SLC1A2: variants seen among roughly 807,000 people sequenced by gnomAD.
The protein encoded by SLC1A2 is excitatory amino acid transporter 2.
A neutral mutation model predicts 48.8 loss-of-function variants in SLC1A2; 15 were observed. The observed-to-expected ratio is 0.31, with a 90% CI of 0.21 to 0.47. The LOEUF (loss-of-function observed/expected upper bound fraction) is 0.47. Ranked by LOEUF, SLC1A2 falls within the 20% of genes least tolerant of loss-of-function variation. SLC1A2 has a pLI of 0.99. For synonymous variants in SLC1A2, 279 were observed against 272.6 expected (o/e 1.02, Z -0.23); for missense variants, 502 against 730.5 (o/e 0.69, Z 3.61).
chr11:35,305,615 A>T (rs1851477662), intron 5 of SLC1A2, among the ~76,000 whole-genome samples: 1 of 152,228 alleles, frequency 6.6e-6, no homozygotes, highest in South Asian at 2.1e-4. Flanking sequence ...TACCTACTCC[A>T]ACACTTTACA....
intron 1 of SLC1A2, among the ~76,000 whole-genome samples, chr11:35,403,593 T>A (rs114933289): frequency 0.016 from 2,392 of 152,266 alleles, 62 homozygotes; most frequent in African/African-American, 0.055. Context: ...TTCAAGATGA[T>A]AAGAGCAGAG....
chr11:35,293,196 G>A (rs544317126), intron 6 of SLC1A2, among the ~76,000 whole-genome samples: 3 of 152,102 alleles, frequency 2.0e-5, no homozygotes, highest in Non-Finnish European at 2.9e-5. Flanking sequence ...CGAAAATCTA[G>A]GTGTCATTAT....
chr11:35,325,793 T>C (rs544162989), intron 1 of SLC1A2, among the ~76,000 whole-genome samples: 4 of 151,606 alleles, frequency 2.6e-5, no homozygotes, highest in African/African-American at 9.7e-5. Flanking sequence ...TGAAACCCTG[T>C]CTCTACTAAA....
intron 1 of SLC1A2, among the ~76,000 whole-genome samples, chr11:35,320,940 A>G (rs958734147): frequency 6.6e-6 from 1 of 152,196 alleles, no homozygotes; most frequent in Non-Finnish European, 1.5e-5. Context: ...GTATTAGTCC[A>G]TTCTCACTCT....
chr11:35,418,589 CGCGCTCCAG>C (rs1314874574), intron 1 of SLC1A2: 1 of 219,264 alleles, frequency 4.6e-6, no homozygotes, highest in African/African-American at 2.3e-5. Flanking sequence ...CCTGGGGCGC[CGCGCTCCAG>C]GCGCTGCTAC....
intron 9 of SLC1A2, among the ~76,000 whole-genome samples, chr11:35,269,476 A>C (rs1850213799): frequency 6.6e-6 from 1 of 152,114 alleles, no homozygotes; most frequent in Admixed American, 6.5e-5. Flanking sequence ...TTTGGGGATA[A>C]CTCCACTCAC....
At chr11:35,295,328 G>T (rs1352782527) in intron 6 of SLC1A2, among the ~76,000 whole-genome samples, 2 of 152,184 alleles carry the variant, frequency 1.3e-5, no homozygotes, top group Admixed American at 1.3e-4. Flanking sequence ...AGGATTATAG[G>T]TGTGGCCGAC....
chr11:35,289,353 T>G (rs1238385194), intron 7 of SLC1A2, among the ~76,000 whole-genome samples: 1 of 152,070 alleles, frequency 6.6e-6, no homozygotes, highest in Non-Finnish European at 1.5e-5. Flanking sequence ...TTCAGTTAAT[T>G]CTCGGTACAT....
At chr11:35,363,629 T>C (rs1429645912) in intron 1 of SLC1A2, among the ~76,000 whole-genome samples, 1 of 152,170 alleles carries the variant, frequency 6.6e-6, no homozygotes. Flanking sequence ...AGTTGCTTTA[T>C]ACTGAGTTCT....
At position 35,317,468 on chromosome 11, in the gene SLC1A2, A is replaced by G. The variant is rs1397503085; in HGVS notation, c.66T>C (p.His22=). 15 of 1,614,048 alleles carry G rather than the reference A, an allele frequency of 9.3e-6. No homozygotes were observed. The highest frequency in any genetic ancestry group is 1.2e-5 in the Non-Finnish European group (14 of 1,180,024). ...KQVEVRMHDS[H]LGSEEPKHRH... is the part of the protein sequence containing the mutation. ...GGTGCTTGGGTTCCTCTGAGCCAAG[A>G]TGACTGTCGTGCATTCGCACTTCCA... is the stretch of plus-strand genomic sequence containing the variant. Residue 22 remains histidine, a synonymous_variant, in exon 2 of 11, where the codon CAT becomes CAC. Transcript: ENST00000278379.
intron 1 of SLC1A2, among the ~76,000 whole-genome samples, chr11:35,344,855 G>A (rs963202607): frequency 6.6e-6 from 1 of 152,190 alleles, no homozygotes; most frequent in Non-Finnish European, 1.5e-5. Context: ...GTAACAGGAA[G>A]GGCTTCTGGA....
At chr11:35,383,292 T>C (rs1411650733) in intron 1 of SLC1A2, among the ~76,000 whole-genome samples, 1 of 152,234 alleles carries the variant, frequency 6.6e-6, no homozygotes, top group Non-Finnish European at 1.5e-5. Context: ...AAATTAATTT[T>C]GTTATGTTGT....
intron 1 of SLC1A2, among the ~76,000 whole-genome samples, chr11:35,390,370 T>C (rs1485568641): frequency 6.6e-6 from 1 of 152,198 alleles, no homozygotes; most frequent in Non-Finnish European, 1.5e-5. Context: ...CCTGATAGTT[T>C]CTATTCTCCT....
intron 1 of SLC1A2, among the ~76,000 whole-genome samples, chr11:35,357,097 G>GA (rs916627480): frequency 1.3e-4 from 19 of 147,822 alleles, no homozygotes; most frequent in East Asian, 5.9e-4. Flanking sequence ...AAAGAAAAAA[G>GA]AAAAAAAAAA....
intron 7 of SLC1A2, among the ~76,000 whole-genome samples, chr11:35,288,986 G>T (rs1850910492): frequency 6.6e-6 from 1 of 152,236 alleles, no homozygotes; most frequent in African/African-American, 2.4e-5. Context: ...TTCCTGTGTG[G>T]ATGGGCTGAC....
intron 8 of SLC1A2, among the ~76,000 whole-genome samples, chr11:35,281,298 G>A (rs567386067): frequency 2.0e-5 from 3 of 152,282 alleles, no homozygotes; most frequent in East Asian, 1.9e-4. Context: ...TAAGGCAAGC[G>A]TGGCTCTAAA....
intron 1 of SLC1A2, among the ~76,000 whole-genome samples, chr11:35,328,143 C>A (rs1396768405): frequency 6.6e-6 from 1 of 152,148 alleles, no homozygotes; most frequent in Non-Finnish European, 1.5e-5. Context: ...GATGTACCAT[C>A]ATAAGAAAAT....
At chr11:35,310,081 C>T (rs530984032) in intron 4 of SLC1A2, among the ~76,000 whole-genome samples, 51 of 152,298 alleles carry the variant, frequency 3.3e-4, no homozygotes, top group Admixed American at 9.2e-4. Flanking sequence ...GTGAGTGTGG[C>T]CAGCTCCACA....
intron 1 of SLC1A2, among the ~76,000 whole-genome samples, chr11:35,417,232 C>T (rs1425019561): frequency 6.6e-6 from 1 of 152,214 alleles, no homozygotes. Context: ...TGCCGAAAAT[C>T]ACTTTGGCTC....
Sources: gnomAD v4.1 joint callset for allele counts (sites outside exome capture counted in the v4.1 genomes callset) on GRCh38, gnomAD v4.1.1 for gene constraint, MANE v1.5 for transcripts, NCBI Gene and HGNC (gene_info 2026-07-23, HGNC 2026-07-21) for gene names.